PLOD2: variants seen among roughly 807,000 people sequenced by gnomAD.
PLOD2 encodes procollagen-lysine,2-oxoglutarate 5-dioxygenase 2, also known as lysine hydroxylase 2.
PLOD2 carries 65 observed loss-of-function variants against 101.0 expected under a neutral mutation model. The ratio of observed to expected loss-of-function variants is 0.64; its 90% confidence interval spans 0.53 to 0.79. The LOEUF (loss-of-function observed/expected upper bound fraction) is 0.79, where lower values mean the gene tolerates loss of function less well. Ranked by LOEUF, PLOD2 falls within the 30% of genes least tolerant of loss-of-function variation. The pLI is 0.00. For missense variants in PLOD2, 909 were observed against 914.6 expected (o/e 0.99, Z 0.08); for synonymous variants, 314 against 302.9 (o/e 1.04, Z -0.38).
chr3:146,122,204 C>T (rs2030211266), intron 2 of PLOD2, among the ~76,000 whole-genome samples: 1 of 152,208 alleles, frequency 6.6e-6, no homozygotes. Context: ...TATAACTTAT[C>T]ACTTCCTATG....
At chr3:146,096,977 G>A (rs1321642512) in intron 7 of PLOD2, among the ~76,000 whole-genome samples, 2 of 133,764 alleles carry the variant, frequency 1.5e-5, no homozygotes, top group Non-Finnish European at 3.2e-5. Flanking sequence ...TGCCCGGCCA[G>A]CCGCCCCGGC....
chr3:146,159,989 C>G (rs771306372), intron 1 of PLOD2, among the ~76,000 whole-genome samples: 5 of 152,024 alleles, frequency 3.3e-5, no homozygotes, highest in Non-Finnish European at 7.4e-5. Flanking sequence ...GAAAAGCACT[C>G]TATTATAAAC....
At chr3:146,128,570 A>G in intron 1 of PLOD2, among the ~76,000 whole-genome samples, 1 of 152,170 alleles carries the variant, frequency 6.6e-6, no homozygotes, top group East Asian at 1.9e-4. Flanking sequence ...TATTTGTTAA[A>G]TGGCTGTATA....
intron 8 of PLOD2, among the ~76,000 whole-genome samples, chr3:146,091,006 T>A (rs1281535798): frequency 6.6e-6 from 1 of 151,930 alleles, no homozygotes. Context: ...AATGTTGTTG[T>A]AAGATATCAG....
At chr3:146,134,309 T>C (rs1179979207) in intron 1 of PLOD2, among the ~76,000 whole-genome samples, 1 of 152,164 alleles carries the variant, frequency 6.6e-6, no homozygotes. Flanking sequence ...ACAAAGAGTA[T>C]AGGACCATTT....
At chr3:146,072,749 T>TA (rs556498864) in intron 16 of PLOD2, 84 bp from the exon 17 acceptor site, 2 of 838,698 alleles carry the variant, frequency 2.4e-6, no homozygotes, top group Admixed American at 4.1e-5. Flanking sequence ...ATGTGTAAAA[T>TA]AAAAAATCCT....
chr3:146,135,236 C>A (rs941464770), intron 1 of PLOD2, among the ~76,000 whole-genome samples: 1 of 152,158 alleles, frequency 6.6e-6, no homozygotes, highest in Non-Finnish European at 1.5e-5. Context: ...CCTCCCCTAA[C>A]AAGTTGCTGA....
At position 146,069,553 on chromosome 3, in the gene PLOD2, A is replaced by G. The variant is rs1431342864; in HGVS notation, c.*1164T>C. On this transcript the variant is annotated 3_prime_UTR_variant, in exon 20 of 20. Coordinates refer to ENST00000282903, the MANE Select transcript of PLOD2 (RefSeq NM_182943.3). ...GTTTAACCTTTACATTAAAAACAGT[A>G]GCTACAATAAGGATATTTCAACCTT... 6.6e-6 allele frequency: 1 copy of G among 152,260 alleles called. No individual in the cohort carries two copies. The highest frequency in any genetic ancestry group is 2.4e-5 in the African/African-American group (1 of 41,400). The allele number at this position is 152,260 out of a possible 1,614,324, so 9.4% of individuals were successfully genotyped here. A position where few individuals can be genotyped will look rare whatever the true frequency, so the allele number is the denominator to read the frequency against.
In PLOD2 at chr3:146,072,563, G is replaced by T; in HGVS notation, c.1846C>A (p.His616Asn). Reference sequence around the variant, plus strand: ...CTTAGTGTGAAATTACAACTTACATGATGTTTTCCCCCAGACCATTTGCCG... The same window carrying T: ...CTTAGTGTGAAATTACAACTTACATTATGTTTTCCCCCAGACCATTTGCCG... ...HYGKWSGGKH[H>N]DSRISGGYEN... The change falls in exon 17 of 20, where the codon CAT (histidine) becomes AAT (asparagine). Residue 616 changes from histidine (H) to asparagine (N), a missense_variant and splice_region_variant. Physicochemically the swap from His to Asn is moderately conservative, Grantham distance 68. Transcript: ENST00000282903. 2 of 1,582,692 alleles carry T rather than the reference G, an allele frequency of 1.3e-6. No individual in the cohort carries two copies. The highest frequency in any genetic ancestry group is 1.7e-6 in the Non-Finnish European group (2 of 1,152,248).
chr3:146,108,312 C>G (rs146055704), intron 4 of PLOD2, among the ~76,000 whole-genome samples: 2 of 152,058 alleles, frequency 1.3e-5, no homozygotes, highest in East Asian at 3.9e-4. Flanking sequence ...TCCAAAGTAG[C>G]TAGGACCACA....
Position 146,072,541 on chromosome 3 carries a change from A to G in PLOD2, c.1848+20T>C. 1 of 1,424,534 alleles carries G rather than the reference A, an allele frequency of 7.0e-7. No homozygotes were observed. The highest frequency in any genetic ancestry group is 2.3e-5 in the East Asian group (1 of 43,812). The allele number at this position is 1,424,534 out of a possible 1,614,324, so 88.2% of individuals were successfully genotyped here. On this transcript the variant is annotated intron_variant, in intron 17 of 19. Transcript: ENST00000282903. ...AACCCCCACATACATTTTAGTTCTT[A>G]GTGTGAAATTACAACTTACATGATG...
chr3:146,127,771 T>A (rs2030659172), intron 1 of PLOD2, among the ~76,000 whole-genome samples: 1 of 152,080 alleles, frequency 6.6e-6, no homozygotes, highest in African/African-American at 2.4e-5. Context: ...ATCCTCAACA[T>A]CACTAATCAT....
chr3:146,072,721 T>A, intron 16 of PLOD2, 56 bp from the exon 17 acceptor site: 2 of 1,032,710 alleles, frequency 1.9e-6, no homozygotes, highest in Non-Finnish European at 3.0e-6. Context: ...CTTAATAGTC[T>A]AAAATAGTTA....
At chr3:146,117,813 C>G (rs1009549676) in intron 3 of PLOD2, among the ~76,000 whole-genome samples, 2 of 152,014 alleles carry the variant, frequency 1.3e-5, no homozygotes, top group African/African-American at 4.8e-5. Context: ...CCTAAAGTAT[C>G]ATCTAAATCA....
At chr3:146,074,421 G>C (rs2107997081) in intron 15 of PLOD2, among the ~76,000 whole-genome samples, 1 of 151,506 alleles carries the variant, frequency 6.6e-6, no homozygotes, top group South Asian at 2.1e-4. Context: ...TTTAGGGGCT[G>C]AATATTTATA....
intron 1 of PLOD2, among the ~76,000 whole-genome samples, chr3:146,129,450 A>G (rs2030774181): frequency 6.6e-6 from 1 of 152,190 alleles, no homozygotes; most frequent in African/African-American, 2.4e-5. Flanking sequence ...AGGCAAAGTA[A>G]AGCTTAAATC....
intron 1 of PLOD2, among the ~76,000 whole-genome samples, chr3:146,157,561 T>C (rs1224115202): frequency 6.6e-6 from 1 of 152,212 alleles, no homozygotes; most frequent in East Asian, 1.9e-4. Flanking sequence ...ATTATTAAAT[T>C]GTTCTCCAAA....
intron 1 of PLOD2, among the ~76,000 whole-genome samples, chr3:146,160,119 T>C (rs1418111497): frequency 6.6e-6 from 1 of 152,196 alleles, no homozygotes; most frequent in Admixed American, 6.5e-5. Context: ...AGAGCACAAA[T>C]GTGGAAAACT....
chr3:146,158,664 C>CTT (rs138390848), intron 1 of PLOD2, among the ~76,000 whole-genome samples: 26,223 of 144,478 alleles, frequency 0.18, 2,650 homozygotes, highest in South Asian at 0.26. Context: ...GACATTAGGC[C>CTT]TTTTTTGTTT....
Sources: gnomAD v4.1 joint callset for allele counts (sites outside exome capture counted in the v4.1 genomes callset) on GRCh38, gnomAD v4.1.1 for gene constraint, MANE v1.5 for transcripts, NCBI Gene and HGNC (gene_info 2026-07-23, HGNC 2026-07-21) for gene names.